The following ZBTB7C variants were observed in gnomAD, a reference collection of about 807,000 sequenced individuals.
The protein encoded by ZBTB7C is zinc finger and BTB domain containing 7C.
In ZBTB7C, 8 loss-of-function variants were observed where a neutral mutation model predicts 25.7. The ratio of observed to expected loss-of-function variants is 0.31; its 90% CI spans 0.18 to 0.56. The LOEUF is 0.56. Among genes scored for constraint, ZBTB7C ranks in the 20% least tolerant of loss-of-function variants. ZBTB7C has a pLI of 0.91. For missense variants in ZBTB7C, 824 were observed against 855.2 expected (o/e 0.96, Z 0.46); for synonymous variants, 394 against 369.0 (o/e 1.07, Z -0.78).
chr18:48,312,089 C>T (rs569048345), intron 2 of ZBTB7C, among the ~76,000 whole-genome samples: 6 of 152,330 alleles, frequency 3.9e-5, no homozygotes, highest in Non-Finnish European at 7.3e-5. Context: ...TTCAACTACA[C>T]GTGTAGCCTG....
chr18:48,213,166 T>C (rs985962106), intron 2 of ZBTB7C, among the ~76,000 whole-genome samples: 3 of 152,348 alleles, frequency 2.0e-5, no homozygotes, highest in Middle Eastern at 3.4e-3. Flanking sequence ...GCTGGTACAC[T>C]AGAGGAAGAA....
chr18:48,148,236 T>G (rs2040560132), intron 3 of ZBTB7C: 1 of 150,622 alleles, frequency 6.6e-6, no homozygotes, highest in Non-Finnish European at 1.5e-5. Context: ...CTCGAACGCC[T>G]GACCTCAGAT....
At chr18:48,101,763 A>T (rs952626370) in intron 3 of ZBTB7C, among the ~76,000 whole-genome samples, 1 of 152,222 alleles carries the variant, frequency 6.6e-6, no homozygotes, top group Non-Finnish European at 1.5e-5. Flanking sequence ...TCAGCATTAT[A>T]TTGGAGGTCT....
chr18:48,188,015 G>C (rs895739804), intron 2 of ZBTB7C, among the ~76,000 whole-genome samples: 1 of 152,028 alleles, frequency 6.6e-6, no homozygotes, highest in African/African-American at 2.4e-5. Context: ...CTTAACAAAT[G>C]GTTAAAATAA....
intron 2 of ZBTB7C, among the ~76,000 whole-genome samples, chr18:48,334,970 T>G (rs992563382): frequency 1.2e-4 from 18 of 152,090 alleles, no homozygotes; most frequent in African/African-American, 4.3e-4. Context: ...CCCCTAGAGA[T>G]GGTGGCCTGG....
chr18:48,355,583 A>G (rs2046960360), intron 1 of ZBTB7C, among the ~76,000 whole-genome samples: 1 of 152,110 alleles, frequency 6.6e-6, no homozygotes, highest in South Asian at 2.1e-4. Flanking sequence ...CAGCCTGCAC[A>G]CTAGCCCAGG....
chr18:48,156,313 A>T (rs994290811), intron 3 of ZBTB7C, among the ~76,000 whole-genome samples: 7 of 152,176 alleles, frequency 4.6e-5, no homozygotes, highest in African/African-American at 1.7e-4. Flanking sequence ...GGAGGGTGAA[A>T]TACAACAGTC....
At chr18:48,231,987 C>G (rs1315472334) in intron 2 of ZBTB7C, among the ~76,000 whole-genome samples, 1 of 152,190 alleles carries the variant, frequency 6.6e-6, no homozygotes, top group Non-Finnish European at 1.5e-5. Flanking sequence ...TGCACAGTGG[C>G]CAGACCCCAT....
In ZBTB7C at chr18:48,029,299, G is replaced by A; in HGVS notation, c.1821C>T (p.Gly607=). The change falls in exon 5 of 5, where the codon GGC becomes GGT. Residue 607 remains glycine, a synonymous_variant. Coordinates refer to ENST00000590800, the MANE Select transcript of ZBTB7C (RefSeq NM_001318841.2). ...AGLAGLPGLA[G]LNHVASMSEA... ...CGGACATGGAGGCCACGTGGTTGAG[G>A]CCGGCGAGCCCAGGGAGGCCGGCCA... The A allele has an allele frequency of 6.5e-7, 1 of 1,537,368 alleles. No individual in the cohort carries two copies. The highest frequency in any genetic ancestry group is 1.2e-5 in the South Asian group (1 of 83,952).
intron 2 of ZBTB7C, among the ~76,000 whole-genome samples, chr18:48,246,560 T>A (rs114943753): frequency 0.01 from 1,544 of 151,634 alleles, 24 homozygotes; most frequent in African/African-American, 0.035. Context: ...TAAGAAAAAA[T>A]GTAGTTGTCT....
chr18:48,134,107 T>A (rs1293482162), intron 3 of ZBTB7C, among the ~76,000 whole-genome samples: 1 of 151,624 alleles, frequency 6.6e-6, no homozygotes, highest in East Asian at 1.9e-4. Flanking sequence ...TTTTTTTTTT[T>A]TTTTAAGAAA....
chr18:48,082,231 C>T (rs948905886), intron 3 of ZBTB7C, among the ~76,000 whole-genome samples: 23 of 152,206 alleles, frequency 1.5e-4, no homozygotes, highest in Non-Finnish European at 2.5e-4. Flanking sequence ...TTCCAACACG[C>T]TGAGCCTTAT....
intron 3 of ZBTB7C, among the ~76,000 whole-genome samples, chr18:48,129,280 A>G (rs1303164505): frequency 6.6e-6 from 1 of 150,386 alleles, no homozygotes; most frequent in Non-Finnish European, 1.5e-5. Context: ...TAACTTCCCA[A>G]TGTCCCCATC....
intron 3 of ZBTB7C, among the ~76,000 whole-genome samples, chr18:48,179,821 T>TTCCTTCCC (rs2041834759): frequency 2.1e-5 from 1 of 47,540 alleles, no homozygotes; most frequent in Non-Finnish European, 4.5e-5. Context: ...CCTTCCTTCC[T>TTCCTTCCC]CCCTTCCCTT....
intron 3 of ZBTB7C, among the ~76,000 whole-genome samples, chr18:48,147,355 C>T (rs905467562): frequency 4.6e-5 from 7 of 151,892 alleles, no homozygotes; most frequent in Non-Finnish European, 7.4e-5. Flanking sequence ...TGGGATTACA[C>T]GCGTGAGCTA....
At chr18:48,263,223 C>T (rs875763) in intron 2 of ZBTB7C, among the ~76,000 whole-genome samples, 38,222 of 152,198 alleles carry the variant, frequency 0.25, 5,045 homozygotes, top group Admixed American at 0.35. Context: ...CTCTTCAGGA[C>T]CATCCCCCAC....
intron 2 of ZBTB7C, among the ~76,000 whole-genome samples, chr18:48,218,687 C>A (rs931233360): frequency 2.6e-5 from 4 of 152,204 alleles, no homozygotes; most frequent in African/African-American, 9.7e-5. Context: ...GGACTCTGCT[C>A]TCCTTGGCCT....
chr18:48,084,050 T>G (rs2038090683), intron 3 of ZBTB7C, among the ~76,000 whole-genome samples: 1 of 152,202 alleles, frequency 6.6e-6, no homozygotes, highest in African/African-American at 2.4e-5. Context: ...TCTGCAGGCA[T>G]GAGGCCTCCT....
chr18:48,088,910 C>T (rs561540183), intron 3 of ZBTB7C, among the ~76,000 whole-genome samples: 1 of 151,976 alleles, frequency 6.6e-6, no homozygotes, highest in Non-Finnish European at 1.5e-5. Context: ...TAGGGAGCTT[C>T]CTCAATGCGA....
Sources: allele counts gnomAD v4.1 joint callset (sites outside exome capture counted in the v4.1 genomes callset), GRCh38; gene constraint gnomAD v4.1.1; transcripts MANE v1.5; gene names NCBI Gene and HGNC (gene_info 2026-07-23, HGNC 2026-07-21).